ERG: variants seen among roughly 807,000 people sequenced by gnomAD.
The protein encoded by ERG is ETS transcription factor ERG.
Under a neutral mutation model 55.3 loss-of-function variants are expected in ERG, and 9 were observed. The observed-to-expected ratio is 0.16, with a 90% CI of 0.10 to 0.28. The LOEUF (loss-of-function observed/expected upper bound fraction) is 0.28, where lower values mean the gene tolerates loss of function less well. Among genes scored for constraint, ERG ranks in the 10% least tolerant of loss-of-function variants. The probability of loss-of-function intolerance (pLI) is 1.00; values close to 1 mark genes in which losing one functional copy is unlikely to be tolerated. For synonymous variants in ERG, 223 were observed against 237.3 expected, an observed-to-expected ratio of 0.94 and a Z score of 0.55; for missense variants, 434 against 631.6, an observed-to-expected ratio of 0.69 and a Z score of 3.35.
At chr21:38,563,261 A>T (rs1206721510) in intron 2 of ERG, among the ~76,000 whole-genome samples, 1 of 152,262 alleles carries the variant, frequency 6.6e-6, no homozygotes, top group Non-Finnish European at 1.5e-5. Flanking sequence ...TACGGTGTTT[A>T]TATTAAAGTA....
intron 1 of ERG, among the ~76,000 whole-genome samples, chr21:38,628,875 T>G (rs927157208): frequency 2.0e-5 from 3 of 152,200 alleles, no homozygotes; most frequent in Admixed American, 2.0e-4. Context: ...TTTTTCTCTT[T>G]TGTCAAGAGA....
intron 1 of ERG, among the ~76,000 whole-genome samples, chr21:38,469,143 A>G: frequency 6.6e-6 from 1 of 151,804 alleles, no homozygotes; most frequent in East Asian, 1.9e-4. Flanking sequence ...AAGGGCTTCT[A>G]AGAAGAATGG....
chr21:38,503,015 A>C (rs964020451), upstream of ERG, among the ~76,000 whole-genome samples: 1 of 152,138 alleles, frequency 6.6e-6, no homozygotes, highest in Non-Finnish European at 1.5e-5. Context: ...GTGAGCCACC[A>C]CGCCCGGCCA....
At chr21:38,548,933 A>AC (rs1210940602) in intron 2 of ERG, among the ~76,000 whole-genome samples, 1 of 148,904 alleles carries the variant, frequency 6.7e-6, no homozygotes, top group African/African-American at 2.5e-5. Context: ...ACATGGTGAA[A>AC]CCCCGCCTCT....
At chr21:38,542,004 A>G (rs2059756317) in intron 2 of ERG, among the ~76,000 whole-genome samples, 1 of 151,916 alleles carries the variant, frequency 6.6e-6, no homozygotes, top group Non-Finnish European at 1.5e-5. Flanking sequence ...TTGTTTGTTT[A>G]TTTTCGTTTT....
intron 2 of ERG, among the ~76,000 whole-genome samples, chr21:38,521,638 T>G (rs370086889): frequency 1.4e-4 from 22 of 152,286 alleles, no homozygotes; most frequent in African/African-American, 4.8e-4. Context: ...TTCATTGAAT[T>G]TGCTTGCAAA....
At chr21:38,406,988 G>C (rs1233746955) in intron 3 of ERG, among the ~76,000 whole-genome samples, 1 of 152,144 alleles carries the variant, frequency 6.6e-6, no homozygotes, top group Non-Finnish European at 1.5e-5. Context: ...GTTGGTAAAA[G>C]GCTGTTCTGG....
intron 1 of ERG, among the ~76,000 whole-genome samples, chr21:38,620,628 G>A (rs1181739305): frequency 1.3e-5 from 2 of 152,186 alleles, no homozygotes; most frequent in African/African-American, 4.8e-5. Flanking sequence ...TGAGTAGCTG[G>A]TATTATCAAT....
chr21:38,627,746 A>T (rs1468748552), intron 1 of ERG, among the ~76,000 whole-genome samples: 1 of 152,184 alleles, frequency 6.6e-6, no homozygotes. Flanking sequence ...AAAGATGTGA[A>T]TTAGACAGCC....
intron 1 of ERG, among the ~76,000 whole-genome samples, chr21:38,593,587 A>T (rs1297625856): frequency 1.3e-5 from 2 of 152,228 alleles, no homozygotes; most frequent in Non-Finnish European, 2.9e-5. Flanking sequence ...ATGCATAGAC[A>T]ACCATCTTTG....
At chr21:38,649,018 G>A (rs2060473243) in intron 1 of ERG, among the ~76,000 whole-genome samples, 1 of 152,174 alleles carries the variant, frequency 6.6e-6, no homozygotes, top group South Asian at 2.1e-4. Context: ...TCTACTGGGA[G>A]TCACTTGTCA....
intron 1 of ERG, among the ~76,000 whole-genome samples, chr21:38,613,824 AC>A (rs894756568): frequency 9.2e-5 from 14 of 151,682 alleles, no homozygotes; most frequent in Non-Finnish European, 1.3e-4. Context: ...CTAGAAGGGG[AC>A]CCCCCCAATA....
intron 6 of ERG, chr21:38,395,621 G>T: frequency 5.5e-6 from 1 of 180,950 alleles, no homozygotes; most frequent in Non-Finnish European, 1.2e-5. Flanking sequence ...CATTGCATAG[G>T]CAGCTTGGGT....
chr21:38,383,999 A>G lies in ERG; in HGVS notation c.920-76T>C. On this transcript the variant is annotated intron_variant, in intron 9 of 9. Coordinates refer to ENST00000288319, the MANE Select transcript of ERG (RefSeq NM_182918.4). The surrounding 1 kb of genome is among the most constrained non-coding windows in gnomAD (Gnocchi z 5.7). ...GGAAAGAGGCTCTCTGTGATGACGG[A>G]AGGAGGTGCTATTGGTGTGCCGCCC... The G allele has an allele frequency of 6.5e-7, 1 of 1,527,082 alleles. No individual in the cohort carries two copies. Among genetic ancestry groups the G allele is most frequent in the Non-Finnish European group, 8.8e-7 (1 of 1,142,440 alleles). The allele number at this position is 1,527,082 out of a possible 1,614,324, so 94.6% of individuals were successfully genotyped here. A position where few individuals can be genotyped will look rare whatever the true frequency, so the allele number is the denominator to read the frequency against.
intron 1 of ERG, among the ~76,000 whole-genome samples, chr21:38,622,693 A>T (rs979596662): frequency 1.4e-5 from 2 of 142,604 alleles, no homozygotes; most frequent in African/African-American, 5.3e-5. Context: ...TACCACACAC[A>T]TACACACCAC....
At chr21:38,552,225 G>C (rs530468569) in intron 2 of ERG, among the ~76,000 whole-genome samples, 182 of 152,182 alleles carry the variant, frequency 1.2e-3, no homozygotes, top group African/African-American at 4.2e-3. Context: ...CTAGACCAGA[G>C]AGATTCACAA....
chr21:38,646,184 G>C (rs145831883), intron 1 of ERG, among the ~76,000 whole-genome samples: 1 of 151,400 alleles, frequency 6.6e-6, no homozygotes, highest in Admixed American at 6.6e-5. Flanking sequence ...GGGAGACTGC[G>C]GCACAAGAAT....
chr21:38,623,252 G>A (rs1388974052), intron 1 of ERG, among the ~76,000 whole-genome samples: 2 of 138,688 alleles, frequency 1.4e-5, no homozygotes, highest in Non-Finnish European at 3.1e-5. Context: ...ACACACCACA[G>A]AGCACACACA....
chr21:38,572,353 G>A (rs1215976856), intron 2 of ERG, among the ~76,000 whole-genome samples: 1 of 134,588 alleles, frequency 7.4e-6, no homozygotes, highest in Non-Finnish European at 1.5e-5. Flanking sequence ...GGGCAACAAA[G>A]CGAGACTCCA....
Sources: gnomAD v4.1 joint callset for allele counts (sites outside exome capture counted in the v4.1 genomes callset) on GRCh38, gnomAD v4.1.1 for gene constraint, Gnocchi (gnomAD v3.1) non-coding constraint, MANE v1.5 for transcripts, NCBI Gene and HGNC (gene_info 2026-07-23, HGNC 2026-07-21) for gene names.